CCBE1: variants seen among roughly 807,000 people sequenced by gnomAD.
The protein encoded by CCBE1 is collagen and calcium-binding EGF domain-containing protein 1.
A neutral mutation model predicts 50.0 loss-of-function variants in CCBE1; 37 were observed. That is an observed-to-expected ratio of 0.74 (90% confidence interval 0.57 to 0.97). The LOEUF (loss-of-function observed/expected upper bound fraction) is 0.97, where lower values mean the gene tolerates loss of function less well. CCBE1 is among the 50% of genes least tolerant of loss of function. The pLI is 0.00. For synonymous variants in CCBE1, 234 were observed against 203.7 expected (o/e 1.15, Z -1.27); for missense variants, 538 against 523.8 (o/e 1.03, Z -0.26).
At chr18:59,494,110 C>T (rs1261439306) in intron 2 of CCBE1, among the ~76,000 whole-genome samples, 2 of 152,264 alleles carry the variant, frequency 1.3e-5, no homozygotes, top group East Asian at 3.9e-4. Context: ...TAGGGACACA[C>T]AAGACAGAGC....
rs1568218513 is a variant in CCBE1 at position 59,583,686 on chromosome 18, CGCGCGCGCGCGCGCGTGTGTGTGT to C, written c.213-103472_213-103449del. On this transcript the variant is annotated intron_variant, in intron 2 of 10. Coordinates refer to ENST00000439986, the MANE Select transcript of CCBE1 (RefSeq NM_133459.4). ...GTGTGTGTGTGTGTGTGTGTGCGCG[CGCGCGCGCGCGCGCGTGTGTGTGT>C]ATGTCTGCGACTACTGAGTTGAAGA... Among the ~76,000 whole-genome samples, 532 of 91,614 alleles carry C rather than the reference CGCGCGCGCGCGCGCGTGTGTGTGT, an allele frequency of 5.8e-3. 8 individuals carry two copies. In the East Asian group the frequency reaches 0.1, roughly 18 times the overall value. The allele number at this position is 91,614 out of a possible 152,430, so 60.1% of individuals were successfully genotyped here. A position where few individuals can be genotyped will look rare whatever the true frequency, so the allele number is the denominator to read the frequency against.
intron 2 of CCBE1, among the ~76,000 whole-genome samples, chr18:59,672,162 T>C (rs1207983767): frequency 3.9e-5 from 6 of 152,108 alleles, no homozygotes; most frequent in African/African-American, 9.7e-5. Flanking sequence ...TGGAAAATCA[T>C]AGTATCATGA....
intron 2 of CCBE1, among the ~76,000 whole-genome samples, chr18:59,523,615 A>G (rs1051648916): frequency 6.6e-6 from 1 of 152,196 alleles, no homozygotes; most frequent in Non-Finnish European, 1.5e-5. Context: ...TAACCTTATA[A>G]CGAATTAGCA....
intron 2 of CCBE1, among the ~76,000 whole-genome samples, chr18:59,534,343 T>A (rs1915164085): frequency 6.6e-6 from 1 of 152,246 alleles, no homozygotes; most frequent in South Asian, 2.1e-4. Context: ...GGTTTTTGTC[T>A]TGTCCTTAAT....
At chr18:59,680,869 G>T (rs775077741) in intron 2 of CCBE1, among the ~76,000 whole-genome samples, 2 of 152,070 alleles carry the variant, frequency 1.3e-5, no homozygotes, top group African/African-American at 2.4e-5. Context: ...GCAAGCAGGA[G>T]AAAGAAGGAA....
At chr18:59,555,907 C>G (rs2052650305) in intron 2 of CCBE1, among the ~76,000 whole-genome samples, 1 of 152,202 alleles carries the variant, frequency 6.6e-6, no homozygotes, top group African/African-American at 2.4e-5. Flanking sequence ...GGCACTAAAC[C>G]CACAGCTCAG....
At chr18:59,508,711 C>CTTTTTTTTTTTTTTTTT (rs55881131) in intron 2 of CCBE1, among the ~76,000 whole-genome samples, 5 of 95,684 alleles carry the variant, frequency 5.2e-5, no homozygotes, top group African/African-American at 2.3e-4. Context: ...TAGAGTTACG[C>CTTTTTTTTTTTTTTTTT]TTTTTTTTTT....
chr18:59,600,667 A>T (rs1277543470), intron 2 of CCBE1, among the ~76,000 whole-genome samples: 1 of 152,100 alleles, frequency 6.6e-6, no homozygotes, highest in East Asian at 1.9e-4. Context: ...TTCCTCTCTC[A>T]AAGACAGTGG....
chr18:59,590,170 C>G (rs900631821), intron 2 of CCBE1, among the ~76,000 whole-genome samples: 1 of 152,052 alleles, frequency 6.6e-6, no homozygotes, highest in Non-Finnish European at 1.5e-5. Flanking sequence ...TTCTATTTAG[C>G]CAAATCAATT....
intron 5 of CCBE1, among the ~76,000 whole-genome samples, chr18:59,461,923 G>A (rs928752654): frequency 4.0e-5 from 6 of 151,798 alleles, no homozygotes; most frequent in African/African-American, 9.7e-5. Context: ...TAGTAGAGAC[G>A]GGGTTTCACC....
chr18:59,630,326 C>T (rs540990615), intron 2 of CCBE1, among the ~76,000 whole-genome samples: 4 of 151,502 alleles, frequency 2.6e-5, no homozygotes, highest in East Asian at 1.9e-4. Context: ...TTTTATAACA[C>T]ATTTGTGTTG....
At chr18:59,529,069 A>C (rs1914943562) in intron 2 of CCBE1, among the ~76,000 whole-genome samples, 1 of 152,248 alleles carries the variant, frequency 6.6e-6, no homozygotes, top group Non-Finnish European at 1.5e-5. Context: ...CAAGGGGAAG[A>C]GACTAAGTCT....
intron 2 of CCBE1, among the ~76,000 whole-genome samples, chr18:59,511,943 C>A (rs1914150090): frequency 4.6e-5 from 7 of 152,132 alleles, no homozygotes; most frequent in Admixed American, 4.6e-4. Flanking sequence ...TGACCTTAGC[C>A]CTTGATTTCC....
At chr18:59,592,064 C>CA (rs1050622895) in intron 2 of CCBE1, among the ~76,000 whole-genome samples, 7 of 152,110 alleles carry the variant, frequency 4.6e-5, no homozygotes, top group African/African-American at 1.4e-4. Flanking sequence ...AAATTACCAA[C>CA]AACATTATAT....
chr18:59,566,545 G>T lies in CCBE1; in HGVS notation c.213-86307C>A, dbSNP rs527255203. Among the ~76,000 whole-genome samples the T allele has an allele frequency of 4.6e-5, 7 of 152,282 alleles. No homozygotes were observed. The South Asian group carries it at 1.5e-3, about 32-fold the overall frequency. ...TTTATCCTTAATACATGGTTTTCAG[G>T]CATTTGTTTGGAAAAGGCACTGATA... On this transcript the variant is annotated intron_variant, in intron 2 of 10. Transcript: ENST00000439986.
chr18:59,574,708 AG>A (rs1234156112), intron 2 of CCBE1, among the ~76,000 whole-genome samples: 2 of 152,192 alleles, frequency 1.3e-5, no homozygotes, highest in Non-Finnish European at 2.9e-5. Flanking sequence ...CAAGGTGTTT[AG>A]CTTTGTTACA....
At chr18:59,440,394 A>G (rs977596619) in intron 7 of CCBE1, among the ~76,000 whole-genome samples, 1 of 152,246 alleles carries the variant, frequency 6.6e-6, no homozygotes, top group African/African-American at 2.4e-5. Flanking sequence ...CACTTAGTAT[A>G]GTACTTCACA....
rs59743409 is a variant in CCBE1 at position 59,458,175 on chromosome 18, T to TCTTC, written c.554-3225_554-3224insGAAG. ...ATCCATCCATCCAACCATCCATCCA[T>TCTTC]CCTTCCATCCATCTTCCCATCCATT... On this transcript the variant is annotated intron_variant, in intron 5 of 10. Transcript: ENST00000439986. Among the ~76,000 whole-genome samples the TCTTC allele has an allele frequency of 6.7e-3, 1,018 of 151,166 alleles. 3 individuals are homozygous for TCTTC. Among genetic ancestry groups the TCTTC allele is most frequent in the Non-Finnish European group, 0.01 (686 of 67,796 alleles).
At chr18:59,458,175 T>TCCTTCCATCCATCTTC (rs66505541) in intron 5 of CCBE1, among the ~76,000 whole-genome samples, 62,534 of 151,068 alleles carry the variant, frequency 0.41, 13,271 homozygotes, top group African/African-American at 0.49. Context: ...CATCCATCCA[T>TCCTTCCATCCATCTTC]CCTTCCATCC....
Sources: gnomAD v4.1 joint callset for allele counts (sites outside exome capture counted in the v4.1 genomes callset) on GRCh38, gnomAD v4.1.1 for gene constraint, MANE v1.5 for transcripts, NCBI Gene and HGNC (gene_info 2026-07-23, HGNC 2026-07-21) for gene names.